Variants in LPCAT3 observed in about 807,000 individuals in gnomAD.
LPCAT3 encodes the protein lysophosphatidylcholine acyltransferase 3, also known as lysophospholipid acyltransferase 5.
LPCAT3 carries 21 observed loss-of-function variants against 63.4 expected under a neutral mutation model. The ratio of observed to expected loss-of-function variants is 0.33; its 90% confidence interval spans 0.23 to 0.48. LPCAT3 has a LOEUF of 0.48. LPCAT3 is among the 20% of genes least tolerant of loss of function. The pLI is 0.99. For synonymous variants in LPCAT3, 242 were observed against 227.5 expected (o/e 1.06, Z -0.58); for missense variants, 451 against 590.6 (o/e 0.76, Z 2.45).
intron 9 of LPCAT3, 179 bp downstream of exon 9, chr12:6,978,162 G>A (rs1946430671): frequency 2.8e-6 from 2 of 718,518 alleles, no homozygotes; most frequent in Non-Finnish European, 4.6e-6. Flanking sequence ...TTTCAAATAT[G>A]ACAGTAATGG....
chr12:6,977,865 C>T lies in LPCAT3; in HGVS notation c.1041-120G>A, dbSNP rs1946426004. On this transcript the variant is annotated intron_variant, in intron 9 of 12. Transcript: ENST00000261407. This position sits in a 1 kb window ranked among gnomAD's most constrained non-coding sequence, Gnocchi z 4.5. ...GTGCTGGTGGGTTCCCACGTGTAGC[C>T]CCCAGAGGGTACAGGAGGCAGTGCT... The T allele has an allele frequency of 3.4e-6, 4 of 1,184,772 alleles. No individual in the cohort carries two copies. Among genetic ancestry groups the T allele is most frequent in the Admixed American group, 1.9e-5 (1 of 53,200 alleles). 73.4% of individuals were successfully genotyped at this position (1,184,772 alleles called of 1,614,324 possible). A position where few individuals can be genotyped will look rare whatever the true frequency, so the allele number is the denominator to read the frequency against.
At chr12:7,007,924 T>G (rs1159555768) in intron 1 of LPCAT3, among the ~76,000 whole-genome samples, 1 of 152,240 alleles carries the variant, frequency 6.6e-6, no homozygotes, top group Admixed American at 6.5e-5. Context: ...ACCTACTCTC[T>G]GACAAACTGT....
At chr12:6,988,634 C>T (rs1946552873) in intron 1 of LPCAT3, among the ~76,000 whole-genome samples, 1 of 152,224 alleles carries the variant, frequency 6.6e-6, no homozygotes, top group South Asian at 2.1e-4. Flanking sequence ...CCCTCCCACT[C>T]ATCAGAGTTG....
chr12:7,018,169 C>T lies in LPCAT3; in HGVS notation c.151+105G>A. 7.4e-7 allele frequency: 1 copy of T among 1,360,284 alleles called. No individual in the cohort carries two copies. The highest frequency in any genetic ancestry group is 2.5e-5 in the East Asian group (1 of 40,016). 84.3% of individuals were successfully genotyped at this position (1,360,284 alleles called of 1,614,324 possible). A position where few individuals can be genotyped will look rare whatever the true frequency, so the allele number is the denominator to read the frequency against. On this transcript the variant is annotated intron_variant, in intron 1 of 12. Coordinates refer to ENST00000261407, the MANE Select transcript of LPCAT3 (RefSeq NM_005768.6). The surrounding 1 kb of genome is among the most constrained non-coding windows in gnomAD (Gnocchi z 4.9). The stretch of plus-strand genomic sequence containing the variant: ...TCAGGATTCACACCCGCACCCGGCA[C>T]AGCCCTCCCGGGTGGCTCCGGGAAG...
rs139984335 is a variant in LPCAT3, at chr12:7,012,859, A to G, written c.151+5415T>C. Among the ~76,000 whole-genome samples the G allele has an allele frequency of 1.5e-3, 233 of 152,298 alleles. 2 individuals are homozygous for G. Among genetic ancestry groups the G allele is most frequent in the African/African-American group, 5.4e-3 (226 of 41,552 alleles). ...CAAAGATACCCTTATCTTTCCAGCT[A>G]CTCAGGCAGGAGGATGGAGTCTTTT... On this transcript the variant is annotated intron_variant, in intron 1 of 12. Transcript: ENST00000261407.
intron 1 of LPCAT3, among the ~76,000 whole-genome samples, chr12:7,002,529 A>G (rs1814157820): frequency 6.6e-6 from 1 of 152,204 alleles, no homozygotes; most frequent in African/African-American, 2.4e-5. Flanking sequence ...GTAAATACAA[A>G]TGTGGTGAGA....
rs1481251955 is a variant in LPCAT3, at chr12:6,987,629, A to G, written c.152-4090T>C. On this transcript the variant is annotated intron_variant, in intron 1 of 12. Transcript: ENST00000261407. This position sits in a 1 kb window ranked among gnomAD's most constrained non-coding sequence, Gnocchi z 4.1. ...TAAATAAAAAAATATAAAACAGTAG[A>G]TAATTATCTAGAGCACTCATAAATA... Among the ~76,000 whole-genome samples the G allele has an allele frequency of 6.6e-6, 1 of 152,256 alleles. No homozygotes were observed. The highest frequency in any genetic ancestry group is 1.5e-5 in the Non-Finnish European group (1 of 68,048).
rs782280224 is a variant in LPCAT3 at position 6,997,620 on chromosome 12, C to T, written c.152-14081G>A. ...TTTTTTTTTGAGATGGAGTTTCGCT[C>T]TTGTTGCCCAGGCTGGAGTGCAATG... On this transcript the variant is annotated intron_variant, in intron 1 of 12. Coordinates refer to ENST00000261407, the MANE Select transcript of LPCAT3 (RefSeq NM_005768.6). Among the ~76,000 whole-genome samples the T allele has an allele frequency of 2.9e-3, 405 of 137,868 alleles. 3 individuals carry two copies. Among genetic ancestry groups the T allele is most frequent in the African/African-American group, 9.8e-3 (362 of 36,798 alleles). 90.4% of individuals were successfully genotyped at this position (137,868 alleles called of 152,430 possible). A position where few individuals can be genotyped will look rare whatever the true frequency, so the allele number is the denominator to read the frequency against.
At chr12:6,982,886 CT>C in intron 2 of LPCAT3, 104 bp from the exon 3 acceptor site, 15 of 728,206 alleles carry the variant, frequency 2.1e-5, no homozygotes, top group South Asian at 5.1e-5. Context: ...GCATCAGGAT[CT>C]TTTTTTTCAG....
At position 6,977,249 on chromosome 12, in the gene LPCAT3, A is replaced by G. The variant is rs1225151251; in HGVS notation, c.1361T>C (p.Ile454Thr). ...GAAGAAGATGTGGCCAAGGAAATAG[A>G]TGGATTTATACACCTGTGGAGAGAG... ...WDKWLKVYKS[I>T]YFLGHIFFLS... Residue 454 changes from isoleucine to threonine, a missense_variant, in exon 12 of 13, where the codon ATC becomes ACC. Ile to Thr is a moderately conservative substitution (Grantham distance 89). This residue lies in a region of LPCAT3 where 304 missense variants were observed against 390.8 expected (regional missense o/e 0.78). Transcript: ENST00000261407. The surrounding 1 kb of genome is among the most constrained non-coding windows in gnomAD (Gnocchi z 4.5). 6.2e-7 allele frequency: 1 copy of G among 1,613,276 alleles called. No individual in the cohort carries two copies. The highest frequency in any genetic ancestry group is 8.5e-7 in the Non-Finnish European group (1 of 1,179,204).
chr12:6,997,886 G>A (rs1054916738), intron 1 of LPCAT3, among the ~76,000 whole-genome samples: 1 of 151,846 alleles, frequency 6.6e-6, no homozygotes, highest in Non-Finnish European at 1.5e-5. Flanking sequence ...GCACCTGGCC[G>A]CATGGCTGAT....
intron 1 of LPCAT3, among the ~76,000 whole-genome samples, chr12:7,013,135 G>C (rs1295821528): frequency 6.6e-6 from 1 of 152,204 alleles, no homozygotes; most frequent in Non-Finnish European, 1.5e-5. Flanking sequence ...TTGAACATGA[G>C]AGTCAGGAAA....
chr12:7,000,939 C>T (rs1273214793), intron 1 of LPCAT3, among the ~76,000 whole-genome samples: 1 of 151,980 alleles, frequency 6.6e-6, no homozygotes, highest in Non-Finnish European at 1.5e-5. Flanking sequence ...GATCTCCTGA[C>T]CTCGTGATCT....
intron 1 of LPCAT3, among the ~76,000 whole-genome samples, chr12:6,988,814 G>T (rs1555155092): frequency 6.6e-6 from 1 of 152,154 alleles, no homozygotes; most frequent in African/African-American, 2.4e-5. Flanking sequence ...AGATGGGTTT[G>T]TAACAACCCA....
intron 1 of LPCAT3, among the ~76,000 whole-genome samples, chr12:7,000,481 G>C (rs1946675589): frequency 6.8e-6 from 1 of 147,708 alleles, no homozygotes; most frequent in Non-Finnish European, 1.5e-5. Context: ...CCAGCTACTC[G>C]GGAGGCTGAG....
intron 1 of LPCAT3, among the ~76,000 whole-genome samples, chr12:7,009,924 T>C (rs973643764): frequency 6.6e-6 from 1 of 152,226 alleles, no homozygotes; most frequent in Non-Finnish European, 1.5e-5. Context: ...TCTAAAAATA[T>C]TTATCAGATA....
At chr12:7,010,270 G>A (rs973673008) in intron 1 of LPCAT3, among the ~76,000 whole-genome samples, 1 of 152,132 alleles carries the variant, frequency 6.6e-6, no homozygotes, top group Admixed American at 6.5e-5. Context: ...GGGACAGACA[G>A]GGTCTTACTC....
chr12:6,978,221 CA>C, intron 9 of LPCAT3, 119 bp downstream of exon 9: 2 of 1,200,636 alleles, frequency 1.7e-6, no homozygotes, highest in South Asian at 3.1e-5. Context: ...GTGTGAGCGA[CA>C]GGGGGTTCTG....
chr12:6,979,072 A>T (rs1555153716), intron 7 of LPCAT3: 1 of 297,420 alleles, frequency 3.4e-6, no homozygotes, highest in Non-Finnish European at 6.3e-6. Context: ...TCAGCTGGGC[A>T]GGAGCAAAAG....
Sources: gnomAD v4.1 joint callset for allele counts (sites outside exome capture counted in the v4.1 genomes callset) on GRCh38, gnomAD v4.1.1 for gene constraint, gnomAD v4.1.1 regional missense constraint, Gnocchi (gnomAD v3.1) non-coding constraint, MANE v1.5 for transcripts, NCBI Gene and HGNC (gene_info 2026-07-23, HGNC 2026-07-21) for gene names.